ZBTB40: variants seen among roughly 807,000 people sequenced by gnomAD.
The protein encoded by ZBTB40 is zinc finger and BTB domain-containing protein 40.
ZBTB40 carries 60 observed loss-of-function variants against 117.5 expected under a neutral mutation model. The ratio of observed to expected loss-of-function variants is 0.51; its 90% CI spans 0.41 to 0.63. The LOEUF (loss-of-function observed/expected upper bound fraction) is 0.63, where lower values mean the gene tolerates loss of function less well. Among genes scored for constraint, ZBTB40 ranks in the 30% least tolerant of loss-of-function variants. The probability of loss-of-function intolerance (pLI) is 0.00; values close to 1 mark genes in which losing one functional copy is unlikely to be tolerated. For synonymous variants in ZBTB40, 525 were observed against 577.1 expected (o/e 0.91, Z 1.29); for missense variants, 1,287 against 1,498.5 (o/e 0.86, Z 2.33).
chr1:22,520,199 C>A lies in ZBTB40; in HGVS notation c.2972C>A (p.Ser991Tyr). The change falls in exon 14 of 18, where the codon TCC becomes TAC. Residue 991 changes from serine to tyrosine, a missense_variant. Physicochemically the swap from Ser to Tyr is moderately radical, Grantham distance 144 (BLOSUM62 -2). Transcript: ENST00000375647. ...TGTGGGAAGATCTTCAGTGCCCCGT[C>A]CATGCTGGAGCGGCACGTGGTGACC... ...PTCGKIFSAP[S>Y]MLERHVVTHV... 2 of 1,614,084 alleles carry A rather than the reference C, an allele frequency of 1.2e-6. No individual in the cohort carries two copies. Among genetic ancestry groups the A allele is most frequent in the Non-Finnish European group, 1.7e-6 (2 of 1,179,998 alleles).
At chr1:22,501,420 T>C in intron 3 of ZBTB40, 72 bp from the exon 4 acceptor site, 1 of 1,559,712 alleles carries the variant, frequency 6.4e-7, no homozygotes, top group East Asian at 2.3e-5. Flanking sequence ...GAGGACCTTG[T>C]TTGCCAAATG....
chr1:22,475,373 T>C (rs1199165653), intron 1 of ZBTB40, among the ~76,000 whole-genome samples: 2 of 152,162 alleles, frequency 1.3e-5, no homozygotes, highest in African/African-American at 4.8e-5. Flanking sequence ...ATGGGTGTTT[T>C]TGGAGATCTA....
rs1244600165 is a variant in ZBTB40 at position 22,511,235 on chromosome 1, G to C, written c.1890G>C (p.Leu630=). The C allele has an allele frequency of 1.5e-5, 24 of 1,613,970 alleles. No individual in the cohort carries two copies. Among genetic ancestry groups the C allele is most frequent in the Non-Finnish European group, 1.8e-5 (21 of 1,180,012 alleles). Residue 630 remains leucine (L), a synonymous_variant, in exon 10 of 18, where the codon CTG becomes CTC. Transcript: ENST00000375647. ...ASPEASLRAV[L]SRAMEKSVPA... ...CTGAAGCTTCCCTGAGAGCAGTGCT[G>C]AGCAGAGCCATGGAAAAATCAGTCC...
At chr1:22,472,366 G>A (rs1641432436) in intron 1 of ZBTB40, among the ~76,000 whole-genome samples, 1 of 151,976 alleles carries the variant, frequency 6.6e-6, no homozygotes, top group African/African-American at 2.4e-5. Flanking sequence ...TGTGTTTCTT[G>A]TAGAGACGGG....
chr1:22,444,650 C>T (rs905807055), intron 1 of ZBTB40, among the ~76,000 whole-genome samples: 4 of 152,154 alleles, frequency 2.6e-5, no homozygotes, highest in East Asian at 1.9e-4. Context: ...AGCATGCGTA[C>T]GACTTCAGTA....
chr1:22,465,023 C>A (rs981990262), intron 1 of ZBTB40, among the ~76,000 whole-genome samples: 1 of 152,152 alleles, frequency 6.6e-6, no homozygotes, highest in African/African-American at 2.4e-5. Flanking sequence ...AACCTCTTGT[C>A]CTGCATCCAG....
At chr1:22,493,421 C>G (rs939637908) in intron 3 of ZBTB40, among the ~76,000 whole-genome samples, 2 of 152,160 alleles carry the variant, frequency 1.3e-5, no homozygotes, top group Non-Finnish European at 2.9e-5. Flanking sequence ...CTTTGTACTT[C>G]GGCCTCTACT....
chr1:22,521,403 C>T, intron 14 of ZBTB40, 93 bp from the exon 15 acceptor site: 1 of 1,530,280 alleles, frequency 6.5e-7, no homozygotes, highest in Non-Finnish European at 9.0e-7. Context: ...GTCAGCTTAT[C>T]CAAAAATGTA....
chr1:22,472,171 A>G (rs1283676553), intron 1 of ZBTB40, among the ~76,000 whole-genome samples: 1 of 150,192 alleles, frequency 6.7e-6, no homozygotes, highest in Non-Finnish European at 1.5e-5. Context: ...TCAAGTAAGC[A>G]TGTAACTGAG....
intron 1 of ZBTB40, among the ~76,000 whole-genome samples, chr1:22,430,592 C>A (rs946488182): frequency 6.6e-6 from 1 of 152,074 alleles, no homozygotes; most frequent in Non-Finnish European, 1.5e-5. Flanking sequence ...CCACTTTGGC[C>A]TCCCATGTGG....
In ZBTB40 at chr1:22,489,874, C is replaced by T. The variant is rs1364106752; in HGVS notation, c.-69-6C>T. On this transcript the variant is annotated splice_region_variant and splice_polypyrimidine_tract_variant and intron_variant, in intron 1 of 17. Transcript: ENST00000375647. The stretch of plus-strand genomic sequence containing the variant: ...TTTTAACCTGGTATTTTGTGGGTTT[C>T]TCTAGGGCCTGTCCTCCCAAAGCCA... 16 of 1,456,720 alleles carry T rather than the reference C, an allele frequency of 1.1e-5. No individual in the cohort carries two copies. Among genetic ancestry groups the T allele is most frequent in the African/African-American group, 9.7e-5 (7 of 71,820 alleles). 90.2% of individuals were successfully genotyped at this position (1,456,720 alleles called of 1,614,324 possible). A position where few individuals can be genotyped will look rare whatever the true frequency, so the allele number is the denominator to read the frequency against.
intron 17 of ZBTB40, 112 bp downstream of exon 17, chr1:22,524,556 A>G (rs1639626225): frequency 1.6e-6 from 2 of 1,238,848 alleles, no homozygotes; most frequent in African/African-American, 1.5e-5. Flanking sequence ...TCTTGTAGAG[A>G]GTCTCTCTGG....
chr1:22,460,008 T>C (rs182327503), intron 1 of ZBTB40, among the ~76,000 whole-genome samples: 2 of 152,334 alleles, frequency 1.3e-5, no homozygotes, highest in East Asian at 3.8e-4. Context: ...AGAGAAGTTC[T>C]ACACACCCAC....
At chr1:22,490,874 A>G (rs1638610536) in intron 2 of ZBTB40, among the ~76,000 whole-genome samples, 1 of 152,108 alleles carries the variant, frequency 6.6e-6, no homozygotes, top group African/African-American at 2.4e-5. Context: ...TACCATTTCG[A>G]TAATTATCTG....
chr1:22,513,237 G>C lies in ZBTB40; in HGVS notation c.2668+107G>C. On this transcript the variant is annotated intron_variant, in intron 12 of 17. Transcript: ENST00000375647. The surrounding 1 kb of genome is among the most constrained non-coding windows in gnomAD (Gnocchi z 4.9). The stretch of plus-strand genomic sequence containing the variant: ...ATCTCAAAAACAAAACAATTTGATA[G>C]CACAACAGGGTGACTAAAGTCAATA... 8 of 1,212,040 alleles carry C rather than the reference G, an allele frequency of 6.6e-6. No individual in the cohort carries two copies. The highest frequency in any genetic ancestry group is 9.4e-6 in the Non-Finnish European group (8 of 848,368). The allele number at this position is 1,212,040 out of a possible 1,614,324, so 75.1% of individuals were successfully genotyped here. A position where few individuals can be genotyped will look rare whatever the true frequency, so the allele number is the denominator to read the frequency against.
intron 1 of ZBTB40, among the ~76,000 whole-genome samples, chr1:22,453,235 C>T (rs1434933219): frequency 6.6e-6 from 1 of 152,128 alleles, no homozygotes; most frequent in African/African-American, 2.4e-5. Flanking sequence ...AAACTTCTGC[C>T]CCTCCTTTCT....
chr1:22,525,632 A>T (rs527340118), intron 17 of ZBTB40, among the ~76,000 whole-genome samples: 2 of 152,224 alleles, frequency 1.3e-5, no homozygotes, highest in African/African-American at 4.8e-5. Flanking sequence ...TGGGCTGTGG[A>T]GGAGAGAAGG....
chr1:22,506,263 T>C, intron 6 of ZBTB40, 22 bp downstream of exon 6: 1 of 1,613,074 alleles, frequency 6.2e-7, no homozygotes, highest in African/African-American at 1.3e-5. Flanking sequence ...TTGTTGACTC[T>C]CTGGACTGGA....
At chr1:22,516,158 G>C (rs1240501735) in intron 12 of ZBTB40, among the ~76,000 whole-genome samples, 1 of 152,194 alleles carries the variant, frequency 6.6e-6, no homozygotes, top group Non-Finnish European at 1.5e-5. Flanking sequence ...CATTTACTGA[G>C]ATGGGGGAGT....
Sources: gnomAD v4.1 joint callset for allele counts (sites outside exome capture counted in the v4.1 genomes callset) on GRCh38, gnomAD v4.1.1 for gene constraint, Gnocchi (gnomAD v3.1) non-coding constraint, MANE v1.5 for transcripts, NCBI Gene and HGNC (gene_info 2026-07-23, HGNC 2026-07-21) for gene names.